Variants in NAV2 observed in about 807,000 individuals in gnomAD.
The protein encoded by NAV2 is helicase, APC down-regulated 1.
NAV2 carries 54 observed loss-of-function variants against 223.2 expected under a neutral mutation model. The observed-to-expected ratio is 0.24, with a 90% confidence interval of 0.19 to 0.30. The LOEUF (loss-of-function observed/expected upper bound fraction) is 0.30, where lower values mean the gene tolerates loss of function less well. Ranked by LOEUF, NAV2 falls within the 10% of genes least tolerant of loss-of-function variation. NAV2 has a pLI of 1.00. For missense variants in NAV2, 2,806 were observed against 3,147.5 expected (o/e 0.89, Z 2.60); for synonymous variants, 1,279 against 1,239.3 (o/e 1.03, Z -0.67).
rs1555156819 is a variant in NAV2, at chr11:19,935,863, T to TTG, written c.2033+1587_2033+1588insGT. ...TTGTTTTGTTTCTGTTTTTTTTTTT[T>TTG]TTTTTTTTTTTTGAGATGGAGTGTC... On this transcript the variant is annotated intron_variant, in intron 7 of 37. Transcript: ENST00000349880. Among the ~76,000 whole-genome samples the TTG allele has an allele frequency of 2.9e-3, 320 of 110,196 alleles. 26 individuals are homozygous for TTG. The South Asian group carries it at 0.068, about 23-fold the overall frequency. 72.3% of individuals were successfully genotyped at this position (110,196 alleles called of 152,430 possible). A position where few individuals can be genotyped will look rare whatever the true frequency, so the allele number is the denominator to read the frequency against.
rs147610332 is a variant in NAV2 at position 19,422,924 on chromosome 11, G to A, written c.75+71897G>A. 3.3e-5 allele frequency among the ~76,000 whole-genome samples: 5 copies of A among 152,272 alleles called. No individual in the cohort carries two copies. The East Asian group carries it at 9.7e-4, about 29-fold the overall frequency. On this transcript the variant is annotated intron_variant, in intron 1 of 37. Coordinates refer to the NAV2 transcript ENST00000360655. ...TTGTCTTCTCCTTTTAATATCAGGT[G>A]GATGAGACTTCCTCTCTCTTGGCCA...
At chr11:20,099,304 G>T (rs941588887) in intron 31 of NAV2, among the ~76,000 whole-genome samples, 4 of 152,052 alleles carry the variant, frequency 2.6e-5, no homozygotes, top group Non-Finnish European at 4.4e-5. Flanking sequence ...ACCCTTTAAG[G>T]AGAGCCTTTT....
At chr11:19,596,673 G>A (rs1464070401) in intron 1 of NAV2, among the ~76,000 whole-genome samples, 1 of 152,228 alleles carries the variant, frequency 6.6e-6, no homozygotes, top group Non-Finnish European at 1.5e-5. Flanking sequence ...GACACAGGCA[G>A]ACAGACACTG....
intron 7 of NAV2, among the ~76,000 whole-genome samples, chr11:19,935,968 C>T (rs1250207471): frequency 6.8e-6 from 1 of 147,958 alleles, no homozygotes; most frequent in Non-Finnish European, 1.5e-5. Context: ...AGCAATTCTC[C>T]TGCCTCAGCC....
chr11:19,814,630 T>TTTTG (rs966291134), intron 1 of NAV2, among the ~76,000 whole-genome samples: 2 of 152,136 alleles, frequency 1.3e-5, no homozygotes, highest in African/African-American at 4.8e-5. Context: ...ATGGCCACTT[T>TTTTG]TTTGTTTGTT....
intron 4 of NAV2, among the ~76,000 whole-genome samples, chr11:19,874,615 A>G (rs2062730835): frequency 6.6e-6 from 1 of 152,180 alleles, no homozygotes; most frequent in African/African-American, 2.4e-5. Context: ...ATTTGGAAAT[A>G]TGGAAAGAAT....
chr11:19,650,264 T>G (rs1384760064), intron 1 of NAV2, among the ~76,000 whole-genome samples: 1 of 152,128 alleles, frequency 6.6e-6, no homozygotes, highest in Non-Finnish European at 1.5e-5. Flanking sequence ...GAATGCCATG[T>G]GAAGACATAG....
At chr11:19,482,557 G>A (rs1406684393) in intron 1 of NAV2, among the ~76,000 whole-genome samples, 2 of 152,158 alleles carry the variant, frequency 1.3e-5, no homozygotes, top group African/African-American at 4.8e-5. Flanking sequence ...GTTGATGACT[G>A]GGGAAGATAG....
At chr11:19,899,400 A>G (rs1319271881) in intron 6 of NAV2, among the ~76,000 whole-genome samples, 1 of 152,228 alleles carries the variant, frequency 6.6e-6, no homozygotes, top group Non-Finnish European at 1.5e-5. Flanking sequence ...ACGTCCTGCT[A>G]TTAACCAGGA....
rs926005788 is a variant in NAV2 at position 19,763,897 on chromosome 11, C to T, written c.267+49935C>T. On this transcript the variant is annotated intron_variant, in intron 1 of 37. Transcript: ENST00000349880. The stretch of plus-strand genomic sequence containing the variant: ...CTTCACTGCCCTGCCCACTGCAAAA[C>T]GTATGGCCGTATAACATCTCTCTAT... 3.3e-5 allele frequency among the ~76,000 whole-genome samples: 5 copies of T among 151,824 alleles called. No homozygotes were observed. In the South Asian group the frequency reaches 6.2e-4, roughly 19 times the overall value.
intron 22 of NAV2, among the ~76,000 whole-genome samples, chr11:20,075,613 C>T (rs894094287): frequency 6.6e-6 from 1 of 152,108 alleles, no homozygotes; most frequent in African/African-American, 2.4e-5. Flanking sequence ...ATTTCTACTA[C>T]AAGTAGAAAT....
At chr11:19,578,807 G>A (rs905593552) in intron 1 of NAV2, among the ~76,000 whole-genome samples, 10 of 152,204 alleles carry the variant, frequency 6.6e-5, no homozygotes, top group South Asian at 4.1e-4. Flanking sequence ...CATGCAGAGC[G>A]GATGACCCTA....
intron 6 of NAV2, among the ~76,000 whole-genome samples, chr11:19,895,286 C>T (rs911092560): frequency 6.6e-6 from 1 of 151,786 alleles, no homozygotes; most frequent in Non-Finnish European, 1.5e-5. Flanking sequence ...AGGCTGGTCT[C>T]TAACTCCACT....
At chr11:19,797,153 G>A (rs1313063185) in intron 1 of NAV2, among the ~76,000 whole-genome samples, 3 of 152,174 alleles carry the variant, frequency 2.0e-5, no homozygotes, top group African/African-American at 7.2e-5. Context: ...TGGTCGGCAT[G>A]AGAAAAGGCC....
At chr11:19,630,938 G>GAAAAA (rs2047325823) in intron 1 of NAV2, among the ~76,000 whole-genome samples, 1 of 89,630 alleles carries the variant, frequency 1.1e-5, no homozygotes. Flanking sequence ...AAAAAAAAAA[G>GAAAAA]GAAAAAAGAA....
intron 1 of NAV2, among the ~76,000 whole-genome samples, chr11:19,548,712 CA>C (rs35021346): frequency 0.037 from 4,758 of 126,920 alleles, 205 homozygotes; most frequent in African/African-American, 0.12. Flanking sequence ...ACTAAAGATA[CA>C]AAAAAAAAAA....
chr11:19,942,429 C>A (rs2046479000), intron 8 of NAV2, among the ~76,000 whole-genome samples: 1 of 152,184 alleles, frequency 6.6e-6, no homozygotes, highest in Non-Finnish European at 1.5e-5. Context: ...CTGACTCTCA[C>A]CCTAACCCTT....
At chr11:20,025,656 G>A (rs2054977693) in intron 11 of NAV2, among the ~76,000 whole-genome samples, 2 of 152,230 alleles carry the variant, frequency 1.3e-5, no homozygotes, top group African/African-American at 4.8e-5. Context: ...CAAAGGTGCG[G>A]TGGGGTGAAA....
At chr11:19,668,479 G>A (rs1316005923) in intron 1 of NAV2, among the ~76,000 whole-genome samples, 1 of 138,410 alleles carries the variant, frequency 7.2e-6, no homozygotes, top group Admixed American at 8.2e-5. Flanking sequence ...GTTGCAGTGA[G>A]CCGAATTCAT....
Sources: gnomAD v4.1 joint callset for allele counts (sites outside exome capture counted in the v4.1 genomes callset) on GRCh38, gnomAD v4.1.1 for gene constraint, MANE v1.5 for transcripts, NCBI Gene and HGNC (gene_info 2026-07-23, HGNC 2026-07-21) for gene names.